Variants in RORB observed in about 807,000 individuals in gnomAD.
RORB encodes the protein RAR related orphan receptor B, also known as nuclear receptor ROR-beta.
Under a neutral mutation model 59.1 loss-of-function variants are expected in RORB, and 6 were observed. The ratio of observed to expected loss-of-function variants is 0.10; its 90% CI spans 0.06 to 0.20. The LOEUF is 0.20. Among genes scored for constraint, RORB ranks in the 10% least tolerant of loss-of-function variants. The pLI is 1.00. For missense variants in RORB, 320 were observed against 560.5 expected, an observed-to-expected ratio of 0.57 and a Z score of 4.33; for synonymous variants, 215 against 204.5, an observed-to-expected ratio of 1.05 and a Z score of -0.44.
At chr9:74,631,586 T>A (rs1460063173) in intron 2 of RORB, among the ~76,000 whole-genome samples, 1 of 152,220 alleles carries the variant, frequency 6.6e-6, no homozygotes, top group East Asian at 1.9e-4. Flanking sequence ...CAAAAAGGCA[T>A]GAGTCTTGGA....
chr9:74,549,144 A>G (rs1826549030), intron 1 of RORB, among the ~76,000 whole-genome samples: 1 of 152,168 alleles, frequency 6.6e-6, no homozygotes, highest in Non-Finnish European at 1.5e-5. Flanking sequence ...TCTCAGCCAC[A>G]TTGTTTAAGA....
intron 4 of RORB, among the ~76,000 whole-genome samples, chr9:74,653,283 T>C (rs1188482117): frequency 6.6e-6 from 1 of 152,196 alleles, no homozygotes; most frequent in African/African-American, 2.4e-5. Flanking sequence ...TCCATAGAGA[T>C]ATCCTGCCAC....
At chr9:74,505,493 C>T (rs1041910906) in intron 1 of RORB, among the ~76,000 whole-genome samples, 4 of 151,830 alleles carry the variant, frequency 2.6e-5, no homozygotes, top group African/African-American at 9.7e-5. Context: ...ATACATCCAC[C>T]CAAAGTAAGG....
intron 4 of RORB, among the ~76,000 whole-genome samples, chr9:74,658,591 A>G (rs548906455): frequency 2.0e-5 from 3 of 152,316 alleles, no homozygotes; most frequent in East Asian, 1.9e-4. Flanking sequence ...ACAAATCAGC[A>G]TGTCTTTGAA....
In RORB at chr9:74,691,606, T is replaced by C. The variant is rs1376601019; in HGVS notation, c.*5988T>C. On this transcript the variant is annotated 3_prime_UTR_variant, in exon 10 of 10. Coordinates refer to ENST00000376896, the MANE Select transcript of RORB (RefSeq NM_006914.4). ...TCTAATACAATGTATGCTGTCTCTGTAATTTTTGCTGTAAATAACTGGAGA... is the reference window on the plus strand; with the variant it reads ...TCTAATACAATGTATGCTGTCTCTGCAATTTTTGCTGTAAATAACTGGAGA... The C allele has an allele frequency of 6.6e-6, 1 of 152,236 alleles. No homozygotes were observed. The highest frequency in any genetic ancestry group is 1.5e-5 in the Non-Finnish European group (1 of 68,036). 9.4% of individuals were successfully genotyped at this position (152,236 alleles called of 1,614,324 possible). A position where few individuals can be genotyped will look rare whatever the true frequency, so the allele number is the denominator to read the frequency against.
At chr9:74,661,627 T>C (rs11144048) in intron 5 of RORB, among the ~76,000 whole-genome samples, 54,010 of 144,614 alleles carry the variant, frequency 0.37, 11,183 homozygotes, top group East Asian at 0.49. Context: ...TCCTCGGAAT[T>C]CTTTTTTCCT....
chr9:74,660,804 C>T, intron 5 of RORB, 66 bp downstream of exon 5: 1 of 1,512,872 alleles, frequency 6.6e-7, no homozygotes, highest in Non-Finnish European at 8.9e-7. Context: ...TCAAGCTCAG[C>T]ACTATTGGCA....
rs201678740 is a variant in RORB, at chr9:74,498,007, G to T, written c.7+24G>T. Reference sequence around the variant, plus strand: ...AGGTAAGCGAGTCTGCGGGCACCGAGGCTCCCCGAGTCCGGCCAACTCCAG... The same window carrying T: ...AGGTAAGCGAGTCTGCGGGCACCGATGCTCCCCGAGTCCGGCCAACTCCAG... On this transcript the variant is annotated intron_variant, in intron 1 of 9. Transcript: ENST00000376896. 30 of 1,607,528 alleles carry T rather than the reference G, an allele frequency of 1.9e-5. 1 individual carries two copies. The East Asian group carries it at 2.7e-4, about 14-fold the overall frequency.
Position 74,688,879 on chromosome 9 carries a change from A to C in RORB, c.*3261A>C, listed in dbSNP as rs1824692102. 6.6e-6 allele frequency: 1 copy of C among 152,200 alleles called. No individual in the cohort carries two copies. Among genetic ancestry groups the C allele is most frequent in the Admixed American group, 6.5e-5 (1 of 15,272 alleles). The allele number at this position is 152,200 out of a possible 1,614,324, so 9.4% of individuals were successfully genotyped here. A position where few individuals can be genotyped will look rare whatever the true frequency, so the allele number is the denominator to read the frequency against. Reference sequence around the variant, plus strand: ...CCTGCAAATCCAAACTTTCTATACAAATCCTGAACAAGGAAAATACAGAAA... The same window carrying C: ...CCTGCAAATCCAAACTTTCTATACACATCCTGAACAAGGAAAATACAGAAA... On this transcript the variant is annotated 3_prime_UTR_variant, in exon 10 of 10. Coordinates refer to ENST00000376896, the MANE Select transcript of RORB (RefSeq NM_006914.4).
At chr9:74,651,355 A>T (rs972962710) in intron 4 of RORB, among the ~76,000 whole-genome samples, 1 of 152,062 alleles carries the variant, frequency 6.6e-6, no homozygotes, top group Non-Finnish European at 1.5e-5. Flanking sequence ...GCCAACATGG[A>T]GAAACCCTGT....
At chr9:74,568,655 G>A (rs1006891189) in intron 1 of RORB, among the ~76,000 whole-genome samples, 3 of 147,226 alleles carry the variant, frequency 2.0e-5, no homozygotes, top group Non-Finnish European at 3.0e-5. Flanking sequence ...AGCCAAGGTC[G>A]CGCCATTGCA....
chr9:74,602,430 C>T (rs549474729), intron 1 of RORB, among the ~76,000 whole-genome samples: 10 of 152,218 alleles, frequency 6.6e-5, no homozygotes, highest in Non-Finnish European at 1.5e-4. Context: ...ATGAAAAGAG[C>T]AGAGGTGGAC....
chr9:74,613,901 C>T (rs1285706192), intron 1 of RORB, among the ~76,000 whole-genome samples: 1 of 152,114 alleles, frequency 6.6e-6, no homozygotes, highest in Non-Finnish European at 1.5e-5. Context: ...CTTTAAAGGT[C>T]ATGATTTTAT....
At chr9:74,516,474 C>A (rs968818819) in intron 1 of RORB, among the ~76,000 whole-genome samples, 1 of 151,920 alleles carries the variant, frequency 6.6e-6, no homozygotes. Context: ...TTGAGAGATG[C>A]TGAAATGTCA....
intron 1 of RORB, among the ~76,000 whole-genome samples, chr9:74,523,283 A>AT (rs1826108552): frequency 6.7e-6 from 1 of 148,920 alleles, no homozygotes; most frequent in East Asian, 2.0e-4. Context: ...TTTTTCATTG[A>AT]TTTTATCTCA....
intron 1 of RORB, among the ~76,000 whole-genome samples, chr9:74,565,606 A>G (rs1207642795): frequency 6.6e-6 from 1 of 152,224 alleles, no homozygotes; most frequent in African/African-American, 2.4e-5. Context: ...TGTGAAGTTA[A>G]GATGAAAATT....
At chr9:74,679,043 AC>A (rs1205376189) in intron 9 of RORB, among the ~76,000 whole-genome samples, 17 of 145,078 alleles carry the variant, frequency 1.2e-4, no homozygotes, top group African/African-American at 3.8e-4. Flanking sequence ...AAAAAAAAAA[AC>A]AAAAACAAAC....
chr9:74,570,301 A>G (rs943028146), intron 1 of RORB, among the ~76,000 whole-genome samples: 1 of 152,124 alleles, frequency 6.6e-6, no homozygotes, highest in African/African-American at 2.4e-5. Context: ...GAATGTGTAA[A>G]TGAATATGTA....
At position 74,524,300 on chromosome 9, in the gene RORB, A is replaced by C. The variant is rs1310077701; in HGVS notation, c.7+26317A>C. ...AGTTAAGGTCAGTCAAAGCAAGAGC[A>C]ATATCCAAAAAGTGATTCATTTTTT... On this transcript the variant is annotated intron_variant, in intron 1 of 9. Coordinates refer to ENST00000376896, the MANE Select transcript of RORB (RefSeq NM_006914.4). Among the ~76,000 whole-genome samples, 10 of 151,956 alleles carry C rather than the reference A, an allele frequency of 6.6e-5. No homozygotes were observed. The South Asian group carries it at 1.0e-3, about 16-fold the overall frequency.
Sources: allele counts gnomAD v4.1 joint callset (sites outside exome capture counted in the v4.1 genomes callset), GRCh38; gene constraint gnomAD v4.1.1; transcripts MANE v1.5; gene names NCBI Gene and HGNC (gene_info 2026-07-23, HGNC 2026-07-21).